ADCY8: variants seen among roughly 807,000 people sequenced by gnomAD.
The protein encoded by ADCY8 is adenylate cyclase type 8.
Under a neutral mutation model 119.7 loss-of-function variants are expected in ADCY8, and 51 were observed. The ratio of observed to expected loss-of-function variants is 0.43; its 90% CI spans 0.34 to 0.54. ADCY8 has a LOEUF of 0.54. ADCY8 is among the 20% of genes least tolerant of loss of function. The pLI is 0.03. For missense variants in ADCY8, 1,383 were observed against 1,598.8 expected (o/e 0.87, Z 2.30); for synonymous variants, 665 against 651.0 (o/e 1.02, Z -0.33).
At chr8:130,991,063 C>T (rs901561340) in intron 1 of ADCY8, among the ~76,000 whole-genome samples, 2 of 152,176 alleles carry the variant, frequency 1.3e-5, no homozygotes, top group Non-Finnish European at 2.9e-5. Flanking sequence ...ACACGTTTTT[C>T]TATTGCTTTT....
intron 1 of ADCY8, among the ~76,000 whole-genome samples, chr8:131,038,404 A>C (rs2130820161): frequency 6.6e-6 from 1 of 152,250 alleles, no homozygotes; most frequent in Non-Finnish European, 1.5e-5. Context: ...ATTTTTGAGA[A>C]ACCCCCAAAG....
At chr8:131,032,593 C>T (rs1184163058) in intron 1 of ADCY8, among the ~76,000 whole-genome samples, 1 of 152,032 alleles carries the variant, frequency 6.6e-6, no homozygotes, top group Non-Finnish European at 1.5e-5. Context: ...TGTGCCTGGG[C>T]CTCCTGTGGA....
chr8:130,940,642 T>A (rs1820928951), intron 4 of ADCY8, among the ~76,000 whole-genome samples: 1 of 152,202 alleles, frequency 6.6e-6, no homozygotes, highest in Non-Finnish European at 1.5e-5. Flanking sequence ...TTGACAGTAA[T>A]ATCTGAATAA....
At chr8:130,832,400 C>T (rs1271068837) in intron 12 of ADCY8, among the ~76,000 whole-genome samples, 3 of 152,148 alleles carry the variant, frequency 2.0e-5, no homozygotes, top group Non-Finnish European at 2.9e-5. Context: ...TCCCCAGATA[C>T]CTAATGTATA....
At chr8:130,844,420 C>T (rs1450994817) in intron 11 of ADCY8, among the ~76,000 whole-genome samples, 1 of 152,130 alleles carries the variant, frequency 6.6e-6, no homozygotes, top group African/African-American at 2.4e-5. Flanking sequence ...GTAAAAGCCT[C>T]ATTTTTTGTA....
At chr8:130,985,007 G>C (rs556677260) in intron 2 of ADCY8, among the ~76,000 whole-genome samples, 1 of 152,272 alleles carries the variant, frequency 6.6e-6, no homozygotes, top group Admixed American at 6.5e-5. Context: ...GTCAAGGAGA[G>C]GCCCTTGAAG....
intron 9 of ADCY8, among the ~76,000 whole-genome samples, chr8:130,857,336 C>T (rs1817775854): frequency 2.1e-3 from 2 of 960 alleles, no homozygotes; most frequent in South Asian, 0.071. Context: ...CTTTCCATTT[C>T]CATTTCTTTA....
chr8:130,816,116 T>C (rs926830048), intron 13 of ADCY8, among the ~76,000 whole-genome samples: 1 of 152,212 alleles, frequency 6.6e-6, no homozygotes, highest in African/African-American at 2.4e-5. Context: ...AAAAAAATTT[T>C]AAAGTCTCAG....
chr8:131,030,603 T>C (rs1383704088), intron 1 of ADCY8, among the ~76,000 whole-genome samples: 1 of 152,180 alleles, frequency 6.6e-6, no homozygotes. Context: ...ACCTCTGCAG[T>C]GGAGTCACAA....
intron 12 of ADCY8, 64 bp from the exon 13 acceptor site, chr8:130,821,484 G>C (rs1345660136): frequency 1.5e-6 from 2 of 1,300,426 alleles, no homozygotes; most frequent in African/African-American, 2.9e-5. Flanking sequence ...TGAGAAAACT[G>C]AGGTTCAGAA....
intron 2 of ADCY8, among the ~76,000 whole-genome samples, chr8:130,975,318 A>T (rs896757777): frequency 1.3e-5 from 2 of 152,164 alleles, no homozygotes; most frequent in African/African-American, 4.8e-5. Flanking sequence ...TGCGTACTTG[A>T]CTCTGTTTGA....
In ADCY8 at chr8:130,832,081, A is replaced by G. The variant is rs527768700; in HGVS notation, c.2675+4196T>C. 6.6e-5 allele frequency among the ~76,000 whole-genome samples: 10 copies of G among 152,342 alleles called. No individual in the cohort carries two copies. In the South Asian group the frequency reaches 2.1e-3, roughly 32 times the overall value. On this transcript the variant is annotated intron_variant, in intron 12 of 17. Transcript: ENST00000286355. The stretch of plus-strand genomic sequence containing the variant: ...AGATCACATATCTGGTTGATGGAAC[A>G]GCTGGGATTTCAATTCAGTTGGTTT...
chr8:130,903,408 A>T (rs919411314), intron 7 of ADCY8, among the ~76,000 whole-genome samples: 3 of 151,066 alleles, frequency 2.0e-5, no homozygotes, highest in Non-Finnish European at 2.9e-5. Context: ...ATTCCCATGT[A>T]CTTGATCCTC....
intron 9 of ADCY8, among the ~76,000 whole-genome samples, chr8:130,857,346 AT>A (rs11331110): frequency 1 from 152,332 of 152,332 alleles, 76,166 homozygotes; most frequent in Non-Finnish European, 1. Flanking sequence ...CCATTTCTTT[AT>A]TAGTTTTATC....
At chr8:131,000,306 A>G (rs1822902578) in intron 1 of ADCY8, among the ~76,000 whole-genome samples, 1 of 152,182 alleles carries the variant, frequency 6.6e-6, no homozygotes, top group Admixed American at 6.5e-5. Flanking sequence ...TTTAGTAAAT[A>G]AATACTGGAC....
At chr8:130,858,376 CTT>C in intron 9 of ADCY8, among the ~76,000 whole-genome samples, 1 of 152,272 alleles carries the variant, frequency 6.6e-6, no homozygotes, top group South Asian at 2.1e-4. Flanking sequence ...TTTTACATGA[CTT>C]TGACAGGTTT....
chr8:130,948,305 G>C (rs1177736976), intron 3 of ADCY8, among the ~76,000 whole-genome samples: 1 of 152,206 alleles, frequency 6.6e-6, no homozygotes, highest in African/African-American at 2.4e-5. Flanking sequence ...AATACAATCG[G>C]GTAGGTGGGA....
chr8:130,943,497 G>GGGCCCCCCCCC, intron 3 of ADCY8, 35 bp from the exon 4 acceptor site: 1 of 491,354 alleles, frequency 2.0e-6, no homozygotes, highest in Non-Finnish European at 4.2e-6. Context: ...GTGGGGGGAG[G>GGGCCCCCCCCC]AAGTATATTA....
At chr8:131,028,333 C>A (rs1377519259) in intron 1 of ADCY8, among the ~76,000 whole-genome samples, 1 of 152,196 alleles carries the variant, frequency 6.6e-6, no homozygotes, top group Non-Finnish European at 1.5e-5. Flanking sequence ...ATTCACCTGG[C>A]AAGAGCCAAG....
Sources: gnomAD v4.1 joint callset for allele counts (sites outside exome capture counted in the v4.1 genomes callset) on GRCh38, gnomAD v4.1.1 for gene constraint, MANE v1.5 for transcripts, NCBI Gene and HGNC (gene_info 2026-07-23, HGNC 2026-07-21) for gene names.